The following DACH2 variants were observed in gnomAD, a reference collection of about 807,000 sequenced individuals.
The protein encoded by DACH2 is dachshund homolog 2.
A neutral mutation model predicts 35.8 loss-of-function variants in DACH2; 17 were observed. That is an observed-to-expected ratio of 0.48 (90% CI 0.33 to 0.71). The LOEUF is 0.71. Among genes scored for constraint, DACH2 ranks in the 30% least tolerant of loss-of-function variants. The pLI is 0.02. For synonymous variants in DACH2, 195 were observed against 177.3 expected, an observed-to-expected ratio of 1.10 and a Z score of -0.79; for missense variants, 469 against 472.7, an observed-to-expected ratio of 0.99 and a Z score of 0.07.
At chrX:86,466,427 T>A (rs1361509948) in intron 2 of DACH2, among the ~76,000 whole-genome samples, 1 of 110,048 alleles carries the variant, frequency 9.1e-6, no homozygotes, top group Non-Finnish European at 1.9e-5. Flanking sequence ...GAGATTTGGG[T>A]GGGGACACAG....
chrX:86,456,881 T>A (rs1158766929), intron 2 of DACH2, among the ~76,000 whole-genome samples: 2 of 111,504 alleles, frequency 1.8e-5, no homozygotes, highest in African/African-American at 6.5e-5. Flanking sequence ...TGTTTTTGTT[T>A]TTGTTTTCTC....
intron 2 of DACH2, among the ~76,000 whole-genome samples, chrX:86,404,726 T>C (rs1418817247): frequency 1.8e-5 from 2 of 112,360 alleles, no homozygotes; most frequent in African/African-American, 6.5e-5. Flanking sequence ...GCTCCACTAG[T>C]CAGTGCCCCT....
At chrX:86,550,245 A>C (rs2039030416) in intron 3 of DACH2, among the ~76,000 whole-genome samples, 1 of 111,732 alleles carries the variant, frequency 8.9e-6, no homozygotes, top group Admixed American at 9.6e-5. Context: ...AAGAAAGAAT[A>C]GAGAGGATAA....
intron 7 of DACH2, among the ~76,000 whole-genome samples, chrX:86,809,722 A>T (rs2042377529): frequency 9.0e-6 from 1 of 110,769 alleles, no homozygotes; most frequent in Non-Finnish European, 1.9e-5. Context: ...TAGGAAATTT[A>T]TTGCTTGTGG....
At chrX:86,805,500 C>A (rs908817212) in intron 7 of DACH2, among the ~76,000 whole-genome samples, 1 of 112,090 alleles carries the variant, frequency 8.9e-6, no homozygotes, top group Non-Finnish European at 1.9e-5. Flanking sequence ...TAACATTTAG[C>A]TCCTCTTTAC....
chrX:86,215,019 TTCTC>T (rs1448007576), intron 1 of DACH2, among the ~76,000 whole-genome samples: 1 of 111,699 alleles, frequency 9.0e-6, no homozygotes. Context: ...ATAGTTTCCT[TTCTC>T]TCTCCCCTTT....
intron 1 of DACH2, among the ~76,000 whole-genome samples, chrX:86,291,429 C>T (rs1355423992): frequency 1.0e-5 from 1 of 99,752 alleles, no homozygotes; most frequent in African/African-American, 3.8e-5. Context: ...CTTCTCCTGC[C>T]TAATTGGCCT....
At chrX:86,640,237 C>G (rs1351842310) in intron 3 of DACH2, among the ~76,000 whole-genome samples, 1 of 111,475 alleles carries the variant, frequency 9.0e-6, no homozygotes, top group Non-Finnish European at 1.9e-5. Context: ...ACTCCCTGGA[C>G]AGAGCCTCCA....
intron 1 of DACH2, among the ~76,000 whole-genome samples, chrX:86,165,860 G>T (rs1359670395): frequency 2.7e-5 from 3 of 111,113 alleles, no homozygotes; most frequent in African/African-American, 9.8e-5. Context: ...GTCTATTTTT[G>T]CTTTGGTTGC....
intron 5 of DACH2, among the ~76,000 whole-genome samples, chrX:86,697,590 AC>A (rs1422138719): frequency 5.4e-5 from 6 of 111,616 alleles, no homozygotes; most frequent in Admixed American, 2.9e-4. Context: ...ACTTAAAAAA[AC>A]AACTAATATA....
chrX:86,407,270 A>G (rs1461181930), intron 2 of DACH2, among the ~76,000 whole-genome samples: 2 of 112,069 alleles, frequency 1.8e-5, no homozygotes, highest in African/African-American at 6.5e-5. Context: ...TTTGCCAGTT[A>G]TATAGTCTTG....
intron 1 of DACH2, among the ~76,000 whole-genome samples, chrX:86,215,086 C>A (rs1379951481): frequency 9.0e-6 from 1 of 111,190 alleles, no homozygotes; most frequent in South Asian, 3.8e-4. Context: ...CCTGTAATCA[C>A]ATTAACTTTT....
intron 1 of DACH2, among the ~76,000 whole-genome samples, chrX:86,275,110 A>AAATAGGCAGAATGAAGGAGAATGTATTGC (rs2033894535): frequency 8.9e-6 from 1 of 111,976 alleles, no homozygotes; most frequent in Non-Finnish European, 1.9e-5. Context: ...TAAATGAACT[A>AAATAGGCAGAATGAAGGAGAATGTATTGC]AATAGGCAGA....
chrX:86,208,093 T>C (rs950557152), intron 1 of DACH2, among the ~76,000 whole-genome samples: 5 of 111,061 alleles, frequency 4.5e-5, no homozygotes, highest in Middle Eastern at 9.2e-3. Context: ...TTAAGTGTGG[T>C]AGTCATATTT....
intron 2 of DACH2, among the ~76,000 whole-genome samples, chrX:86,453,105 A>T (rs1174845585): frequency 9.0e-6 from 1 of 111,292 alleles, no homozygotes; most frequent in Non-Finnish European, 1.9e-5. Flanking sequence ...AGGTTGTTCA[A>T]TTTCCATGTA....
chrX:86,262,489 A>G (rs1226645604), intron 1 of DACH2, among the ~76,000 whole-genome samples: 2 of 111,881 alleles, frequency 1.8e-5, no homozygotes, highest in African/African-American at 3.3e-5. Flanking sequence ...CTTGCTGGAC[A>G]TAGAGTTAAA....
chrX:86,187,028 G>T (rs1278219509), intron 1 of DACH2, among the ~76,000 whole-genome samples: 1 of 111,766 alleles, frequency 8.9e-6, no homozygotes. Flanking sequence ...CTAGTCATTG[G>T]ATAATGTTTC....
chrX:86,152,162 T>C (rs1181726086), intron 1 of DACH2, among the ~76,000 whole-genome samples: 2 of 111,686 alleles, frequency 1.8e-5, no homozygotes, highest in African/African-American at 6.5e-5. Context: ...GTTCATAATA[T>C]GTTGTTGAAT....
At chrX:86,295,545 C>G (rs1475779346) in intron 1 of DACH2, among the ~76,000 whole-genome samples, 1 of 111,544 alleles carries the variant, frequency 9.0e-6, no homozygotes, top group African/African-American at 3.3e-5. Context: ...TTTGCGGCCC[C>G]AGAACACTTT....
Sources: allele counts gnomAD v4.1 joint callset (sites outside exome capture counted in the v4.1 genomes callset), GRCh38; gene constraint gnomAD v4.1.1; transcripts MANE v1.5; gene names NCBI Gene and HGNC (gene_info 2026-07-23, HGNC 2026-07-21).